Variants in UBE2M observed in about 807,000 individuals in gnomAD.
UBE2M encodes the protein ubiquitin conjugating enzyme E2 M, also known as NEDD8-conjugating enzyme Ubc12.
Under a neutral mutation model 23.5 loss-of-function variants are expected in UBE2M, and 2 were observed. The observed-to-expected ratio is 0.09, with a 90% CI of 0.03 to 0.27. The LOEUF (loss-of-function observed/expected upper bound fraction) is 0.27. UBE2M is among the 10% of genes least tolerant of loss of function. The pLI is 1.00. For synonymous variants in UBE2M, 97 were observed against 95.2 expected, an observed-to-expected ratio of 1.02 and a Z score of -0.11; for missense variants, 103 against 232.9, an observed-to-expected ratio of 0.44 and a Z score of 3.63.
Position 58,555,886 on chromosome 19 carries a change from G to T in UBE2M, c.*203C>A, listed in dbSNP as rs1006512221. The T allele has an allele frequency of 2.0e-5, 13 of 654,670 alleles. No individual in the cohort carries two copies. Among genetic ancestry groups the T allele is most frequent in the Non-Finnish European group, 2.6e-5 (10 of 390,948 alleles). The allele number at this position is 654,670 out of a possible 1,614,324, so 40.6% of individuals were successfully genotyped here. A position where few individuals can be genotyped will look rare whatever the true frequency, so the allele number is the denominator to read the frequency against. ...CAATTCATTTCCCATCGCTGAGTGG[G>T]TCGGGGGAGGCAGCGCCGACCTTAA... On this transcript the variant is annotated 3_prime_UTR_variant, in exon 6 of 6. Coordinates refer to ENST00000253023, the MANE Select transcript of UBE2M (RefSeq NM_003969.4).
At chr19:58,557,517 C>G (rs1188199992) in intron 1 of UBE2M, among the ~76,000 whole-genome samples, 1 of 151,982 alleles carries the variant, frequency 6.6e-6, no homozygotes, top group African/African-American at 2.4e-5. Context: ...GACCTCCACT[C>G]TACAGTATCT....
At position 58,555,765 on chromosome 19, in the gene UBE2M, G is replaced by A. The variant is rs923063922; in HGVS notation, c.*324C>T. 1.9e-4 allele frequency: 69 copies of A among 362,564 alleles called. No individual in the cohort carries two copies. The highest frequency in any genetic ancestry group is 1.2e-3 in the African/African-American group (59 of 49,262). 22.5% of individuals were successfully genotyped at this position (362,564 alleles called of 1,614,324 possible). On this transcript the variant is annotated 3_prime_UTR_variant, in exon 6 of 6. Coordinates refer to ENST00000253023, the MANE Select transcript of UBE2M (RefSeq NM_003969.4). ...GTGGGACCTCCAGAGGTGGAGGGGT[G>A]GGTTGCCTGGGCCCAGCTACCCAGG... is the stretch of plus-strand genomic sequence containing the variant.
chr19:58,556,501 G>T lies in UBE2M; in HGVS notation c.348-122C>A. 8.4e-7 allele frequency: 1 copy of T among 1,197,490 alleles called. No homozygotes were observed. Among genetic ancestry groups the T allele is most frequent in the Non-Finnish European group, 1.2e-6 (1 of 835,896 alleles). The allele number at this position is 1,197,490 out of a possible 1,614,324, so 74.2% of individuals were successfully genotyped here. On this transcript the variant is annotated intron_variant, in intron 4 of 5. Coordinates refer to ENST00000253023, the MANE Select transcript of UBE2M (RefSeq NM_003969.4). The surrounding 1 kb of genome is among the most constrained non-coding windows in gnomAD (Gnocchi z 4.9). ...TGAGCATGTGAGAGGCTGGGAGGGAGGGTGTGGAGCAGGACAGGCCAAGGA... is the reference window on the plus strand; with the variant it reads ...TGAGCATGTGAGAGGCTGGGAGGGATGGTGTGGAGCAGGACAGGCCAAGGA...
At position 58,558,492 on chromosome 19, in the gene UBE2M, C is replaced by T. The variant is rs540804857; in HGVS notation, c.-111G>A. 4 of 431,152 alleles carry T rather than the reference C, an allele frequency of 9.3e-6. No individual in the cohort carries two copies. Among genetic ancestry groups the T allele is most frequent in the African/African-American group, 8.6e-5 (4 of 46,318 alleles). 26.7% of individuals were successfully genotyped at this position (431,152 alleles called of 1,614,324 possible). A position where few individuals can be genotyped will look rare whatever the true frequency, so the allele number is the denominator to read the frequency against. On this transcript the variant is annotated 5_prime_UTR_variant, in exon 1 of 6. Coordinates refer to ENST00000253023, the MANE Select transcript of UBE2M (RefSeq NM_003969.4). This position sits in a 1 kb window ranked among gnomAD's most constrained non-coding sequence, Gnocchi z 4.7. ...CTCCTCGGACCCGCAGCTGCGGCCTCCTCCGCTGCTGCCGCCACCCGCCCG... is the reference window on the plus strand; with the variant it reads ...CTCCTCGGACCCGCAGCTGCGGCCTTCTCCGCTGCTGCCGCCACCCGCCCG...
intron 1 of UBE2M, among the ~76,000 whole-genome samples, chr19:58,557,986 T>C (rs3794965): frequency 0.69 from 105,116 of 151,606 alleles, 37,901 homozygotes; most frequent in African/African-American, 0.9. Flanking sequence ...TCTCGAGTCG[T>C]CAGTTCCTCC....
rs1211291772 is a variant in UBE2M at position 58,558,424 on chromosome 19, A to T, written c.-43T>A. On this transcript the variant is annotated 5_prime_UTR_variant, in exon 1 of 6. Coordinates refer to ENST00000253023, the MANE Select transcript of UBE2M (RefSeq NM_003969.4). The surrounding 1 kb of genome is among the most constrained non-coding windows in gnomAD (Gnocchi z 4.7). ...CGCTGCCGCCGCCGCGGGGCCCGGG[A>T]CCCCGGCCACCCGGCCCCCCGCCGC... 1.0e-6 allele frequency: 1 copy of T among 999,800 alleles called. No homozygotes were observed. Among genetic ancestry groups the T allele is most frequent in the Non-Finnish European group, 1.2e-6 (1 of 833,356 alleles). The allele number at this position is 999,800 out of a possible 1,614,324, so 61.9% of individuals were successfully genotyped here. A position where few individuals can be genotyped will look rare whatever the true frequency, so the allele number is the denominator to read the frequency against.
chr19:58,556,259 CAGGCCAGAGGGACAGA>C lies in UBE2M; in HGVS notation c.411+41_412-31del. 1 of 1,613,844 alleles carries C rather than the reference CAGGCCAGAGGGACAGA, an allele frequency of 6.2e-7. No homozygotes were observed. Among genetic ancestry groups the C allele is most frequent in the Non-Finnish European group, 8.5e-7 (1 of 1,179,770 alleles). On this transcript the variant is annotated intron_variant, in intron 5 of 5. Transcript: ENST00000253023. The surrounding 1 kb of genome is among the most constrained non-coding windows in gnomAD (Gnocchi z 4.9). ...GGCCAGTACAGGTAGGGGGGGTCAACAGGCCAGAGGGACAGAAGGCCAATCTCCCCAGACCCAACCA... is the reference window on the plus strand; with the variant it reads ...GGCCAGTACAGGTAGGGGGGGTCAACAGGCCAATCTCCCCAGACCCAACCA...
At position 58,556,209 on chromosome 19, in the gene UBE2M, T is replaced by G. The variant is rs1600090981; in HGVS notation, c.432A>C (p.Pro144=). The G allele has an allele frequency of 6.2e-7, 1 of 1,614,052 alleles. No homozygotes were observed. The highest frequency in any genetic ancestry group is 8.5e-7 in the Non-Finnish European group (1 of 1,179,986). ...YLFLEPNPED[P]LNKEAAEVLQ... is the part of the protein sequence containing the mutation. ...GGACCTCTGCGGCCTCCTTGTTCAG[T>G]GGGTCCTCGGGGTTGGGCTCCTGTG... The change falls in exon 6 of 6, where the codon CCA becomes CCC. Residue 144 remains proline (P), a synonymous_variant. Transcript: ENST00000253023. The surrounding 1 kb of genome is among the most constrained non-coding windows in gnomAD (Gnocchi z 4.9).
chr19:58,555,918 G>A lies in UBE2M; in HGVS notation c.*171C>T, dbSNP rs2053886626. ...GAGGCAGCGCCGACCTTAATCACAT[G>A]GTGTTAAAAAAAAAAAAATAACTAG... On this transcript the variant is annotated 3_prime_UTR_variant, in exon 6 of 6. Transcript: ENST00000253023. 2 of 867,394 alleles carry A rather than the reference G, an allele frequency of 2.3e-6. No homozygotes were observed. Among genetic ancestry groups the A allele is most frequent in the Non-Finnish European group, 3.4e-6 (2 of 582,508 alleles). The allele number at this position is 867,394 out of a possible 1,614,324, so 53.7% of individuals were successfully genotyped here.
At position 58,557,078 on chromosome 19, in the gene UBE2M, G is replaced by A. The variant is rs773237364; in HGVS notation, c.189C>T (p.Val63=). The A allele has an allele frequency of 1.5e-5, 24 of 1,613,952 alleles. 1 individual carries two copies. In the South Asian group the frequency reaches 2.3e-4, roughly 16 times the overall value. The change falls in exon 2 of 6, where the codon GTC becomes GTT. Residue 63 remains valine, a synonymous_variant. Coordinates refer to ENST00000253023, the MANE Select transcript of UBE2M (RefSeq NM_003969.4). The part of the protein sequence containing the change: ...DPDDLLNFKL[V]ICPDEGFYKS... Reference sequence around the variant, plus strand: ...GCACCCTCACCTCATCAGGACAGATGACCAGCTTGAAGTTGAGGAGGTCGT... The same window carrying A: ...GCACCCTCACCTCATCAGGACAGATAACCAGCTTGAAGTTGAGGAGGTCGT...
Position 58,558,411 on chromosome 19 carries a change from C to T in UBE2M, c.-30G>A, listed in dbSNP as rs751894865. The T allele has an allele frequency of 5.7e-6, 7 of 1,226,046 alleles. No homozygotes were observed. In the South Asian group the frequency reaches 8.9e-5, roughly 16 times the overall value. The allele number at this position is 1,226,046 out of a possible 1,614,324, so 75.9% of individuals were successfully genotyped here. On this transcript the variant is annotated 5_prime_UTR_variant, in exon 1 of 6. Transcript: ENST00000253023. This position sits in a 1 kb window ranked among gnomAD's most constrained non-coding sequence, Gnocchi z 4.7. ...CCGCCGCCGCCGCCGCTGCCGCCGC[C>T]GCGGGGCCCGGGACCCCGGCCACCC...
Position 58,556,604 on chromosome 19 carries a change from G to C in UBE2M, c.347+83C>G. On this transcript the variant is annotated intron_variant, in intron 4 of 5. Coordinates refer to ENST00000253023, the MANE Select transcript of UBE2M (RefSeq NM_003969.4). The surrounding 1 kb of genome is among the most constrained non-coding windows in gnomAD (Gnocchi z 4.9). ...GACAACAAAGGGGTGGGAAGGGACA[G>C]AGTCTGATGTAGTGCCCACAAGACC... 1 of 1,248,664 alleles carries C rather than the reference G, an allele frequency of 8.0e-7. No homozygotes were observed. The highest frequency in any genetic ancestry group is 1.1e-6 in the Non-Finnish European group (1 of 896,506). The allele number at this position is 1,248,664 out of a possible 1,614,324, so 77.3% of individuals were successfully genotyped here.
intron 1 of UBE2M, 64 bp from the exon 2 acceptor site, chr19:58,557,221 C>G (rs1312953987): frequency 1.4e-6 from 2 of 1,478,710 alleles, no homozygotes; most frequent in Non-Finnish European, 1.9e-6. Context: ...AGAGAGGGAG[C>G]CAGCAGGACA....
chr19:58,556,881 C>G lies in UBE2M; in HGVS notation c.243+11G>C. The G allele has an allele frequency of 1.9e-6, 3 of 1,614,108 alleles. No homozygotes were observed. The highest frequency in any genetic ancestry group is 1.1e-5 in the South Asian group (1 of 91,086). On this transcript the variant is annotated intron_variant, in intron 3 of 5. Transcript: ENST00000253023. This position sits in a 1 kb window ranked among gnomAD's most constrained non-coding sequence, Gnocchi z 4.9. ...TGTCCAGGGAGCCATCCCTGCCCGC[C>G]TGGGACTCACCTTAAAACTGAACAC...
chr19:58,556,833 A>C lies in UBE2M; in HGVS notation c.244-43T>G. On this transcript the variant is annotated intron_variant, in intron 3 of 5. Transcript: ENST00000253023. The surrounding 1 kb of genome is among the most constrained non-coding windows in gnomAD (Gnocchi z 4.9). ...AAAGAGAGATGGGTAGGTGCCTGGA[A>C]GGGCCTCAGCTGCTGCCTCCTCTGT... is the stretch of plus-strand genomic sequence containing the variant. 6.2e-7 allele frequency: 1 copy of C among 1,612,714 alleles called. No homozygotes were observed. The highest frequency in any genetic ancestry group is 8.5e-7 in the Non-Finnish European group (1 of 1,179,366).
In UBE2M at chr19:58,557,050, T is replaced by C. The variant is rs780656447; in HGVS notation, c.204+13A>G. The stretch of plus-strand genomic sequence containing the variant: ...TGGTTTGCTCCTGGGAATTCAGCCA[T>C]ATGCACCCTCACCTCATCAGGACAG... On this transcript the variant is annotated intron_variant, in intron 2 of 5. Coordinates refer to ENST00000253023, the MANE Select transcript of UBE2M (RefSeq NM_003969.4). The C allele has an allele frequency of 8.7e-6, 14 of 1,613,898 alleles. 1 individual carries two copies. In the South Asian group the frequency reaches 1.2e-4, roughly 14 times the overall value.
Position 58,556,067 on chromosome 19 carries a change from C to T in UBE2M, c.*22G>A, listed in dbSNP as rs2053888256. The T allele has an allele frequency of 2.0e-5, 31 of 1,587,854 alleles. No homozygotes were observed. The highest frequency in any genetic ancestry group is 2.5e-5 in the Non-Finnish European group (29 of 1,161,950). ...GGGATGCCAGGGCTTGTGGCCGTGG[C>T]GGGGGTGGGTATGCGCCAACCCTAT... On this transcript the variant is annotated 3_prime_UTR_variant, in exon 6 of 6. Transcript: ENST00000253023. The surrounding 1 kb of genome is among the most constrained non-coding windows in gnomAD (Gnocchi z 4.9).
chr19:58,556,677 G>A lies in UBE2M; in HGVS notation c.347+10C>T, dbSNP rs538053567. On this transcript the variant is annotated intron_variant, in intron 4 of 5. Transcript: ENST00000253023. This position sits in a 1 kb window ranked among gnomAD's most constrained non-coding sequence, Gnocchi z 4.9. ...CGCTGAGGAGGGCATTAGAGGGCCA[G>A]TGTCCTCACCTGAGGATGTTGAGGC... The A allele has an allele frequency of 3.4e-5, 51 of 1,522,134 alleles. No homozygotes were observed. The South Asian group carries it at 6.5e-4, about 19-fold the overall frequency. The allele number at this position is 1,522,134 out of a possible 1,614,324, so 94.3% of individuals were successfully genotyped here.
Position 58,555,997 on chromosome 19 carries a change from C to T in UBE2M, c.*92G>A, listed in dbSNP as rs2053887402. ...CCAAGGCAGGGGATTCCCCCACCGG[C>T]CGCCCCCCAAACCCCTACCCATGGC... On this transcript the variant is annotated 3_prime_UTR_variant, in exon 6 of 6. Coordinates refer to ENST00000253023, the MANE Select transcript of UBE2M (RefSeq NM_003969.4). 12 of 1,498,016 alleles carry T rather than the reference C, an allele frequency of 8.0e-6. 1 individual carries two copies. The South Asian group carries it at 1.4e-4, about 17-fold the overall frequency. The allele number at this position is 1,498,016 out of a possible 1,614,324, so 92.8% of individuals were successfully genotyped here.
Sources: gnomAD v4.1 joint callset for allele counts (sites outside exome capture counted in the v4.1 genomes callset) on GRCh38, gnomAD v4.1.1 for gene constraint, Gnocchi (gnomAD v3.1) non-coding constraint, MANE v1.5 for transcripts, NCBI Gene and HGNC (gene_info 2026-07-23, HGNC 2026-07-21) for gene names.